Variants in NFIB observed in about 807,000 individuals in gnomAD.
The protein encoded by NFIB is nuclear factor 1 B-type.
NFIB carries 11 observed loss-of-function variants against 61.5 expected under a neutral mutation model. The ratio of observed to expected loss-of-function variants is 0.18; its 90% CI spans 0.11 to 0.30. The LOEUF (loss-of-function observed/expected upper bound fraction) is 0.30, where lower values mean the gene tolerates loss of function less well. Among genes scored for constraint, NFIB ranks in the 10% least tolerant of loss-of-function variants. NFIB has a pLI of 1.00. For synonymous variants in NFIB, 260 were observed against 216.5 expected (o/e 1.20, Z -1.76); for missense variants, 471 against 608.9 (o/e 0.77, Z 2.38).
At chr9:14,346,884 C>T (rs1226448836) in intron 1 of NFIB, among the ~76,000 whole-genome samples, 1 of 152,136 alleles carries the variant, frequency 6.6e-6, no homozygotes, top group Non-Finnish European at 1.5e-5. Context: ...GTCTCGCAAA[C>T]ATCCCCCTAA....
At chr9:14,440,375 G>C in the NFIB span, among the ~76,000 whole-genome samples, 2 of 152,122 alleles carry the variant, frequency 1.3e-5, no homozygotes, top group Admixed American at 6.5e-5. Context: ...CCAATCGAAG[G>C]GCTCTTTAAT....
Position 14,154,698 on chromosome 9 carries a change from T to C in NFIB, c.685+1127A>G, listed in dbSNP as rs10810096. ...CATACATTTATCCACTCTAGAATTA[T>C]ACCAGAAAGGATAAACTACTTAAGA... is the stretch of plus-strand genomic sequence containing the variant. On this transcript the variant is annotated intron_variant, in intron 4 of 10. Transcript: ENST00000380953. 0.023 allele frequency among the ~76,000 whole-genome samples: 3,474 copies of C among 152,202 alleles called. 190 individuals are homozygous for C. In the East Asian group the frequency reaches 0.24, roughly 10 times the overall value.
At chr9:14,244,646 G>A (rs568591515) in intron 2 of NFIB, among the ~76,000 whole-genome samples, 3 of 152,156 alleles carry the variant, frequency 2.0e-5, no homozygotes, top group African/African-American at 4.8e-5. Flanking sequence ...CTTATTAGCC[G>A]TTGGCCTTAG....
At chr9:14,238,265 G>C (rs1355845143) in intron 2 of NFIB, among the ~76,000 whole-genome samples, 2 of 152,138 alleles carry the variant, frequency 1.3e-5, no homozygotes, top group African/African-American at 4.8e-5. Flanking sequence ...TACTGAAAGG[G>C]CAGGCAGAGT....
the NFIB span, among the ~76,000 whole-genome samples, chr9:14,521,710 T>G: frequency 2.0e-5 from 3 of 152,162 alleles, no homozygotes; most frequent in Non-Finnish European, 4.4e-5. Flanking sequence ...GGAAAGATAA[T>G]CAAAGAAGCA....
At chr9:14,215,973 T>TG (rs972180878) in intron 2 of NFIB, among the ~76,000 whole-genome samples, 6 of 152,116 alleles carry the variant, frequency 3.9e-5, no homozygotes, top group Admixed American at 6.5e-5. Context: ...ACCTTGTTCA[T>TG]GGGGGGTGGG....
At chr9:14,412,171 G>A in the NFIB span, among the ~76,000 whole-genome samples, 1 of 152,140 alleles carries the variant, frequency 6.6e-6, no homozygotes, top group South Asian at 2.1e-4. Context: ...ACCAAGTTTG[G>A]GGGTAATTTG....
chr9:14,420,231 G>C, the NFIB span, among the ~76,000 whole-genome samples: 507 of 152,126 alleles, frequency 3.3e-3, 2 homozygotes, highest in African/African-American at 0.012. Context: ...CAGATCACTT[G>C]AGGTCAGGAG....
chr9:14,085,772 A>C lies in NFIB; in HGVS notation c.*2537T>G, dbSNP rs891692900. 3 of 220,092 alleles carry C rather than the reference A, an allele frequency of 1.4e-5. No individual in the cohort carries two copies. Among genetic ancestry groups the C allele is most frequent in the African/African-American group, 6.7e-5 (3 of 44,656 alleles). The allele number at this position is 220,092 out of a possible 1,614,324, so 13.6% of individuals were successfully genotyped here. On this transcript the variant is annotated 3_prime_UTR_variant, in exon 11 of 11. Transcript: ENST00000380953. ...GTAAATCATATCCTATCATTAATGAAATGAAATGGGGACGAAAAGTGGCAG... is the reference window on the plus strand; with the variant it reads ...GTAAATCATATCCTATCATTAATGACATGAAATGGGGACGAAAAGTGGCAG...
intron 2 of NFIB, among the ~76,000 whole-genome samples, chr9:14,206,942 C>T (rs1271861206): frequency 3.3e-5 from 5 of 152,068 alleles, no homozygotes; most frequent in Non-Finnish European, 7.4e-5. Context: ...GTGTAAAACC[C>T]CACTATTCCA....
chr9:14,095,126 T>G (rs779632410), intron 10 of NFIB, among the ~76,000 whole-genome samples: 22 of 152,138 alleles, frequency 1.4e-4, no homozygotes, highest in Non-Finnish European at 2.5e-4. Context: ...GCCTTCGATA[T>G]AGCAACCTAC....
At chr9:14,316,998 C>T (rs2060558830), upstream of NFIB, 1 of 150,930 alleles carries the variant, frequency 6.6e-6, no homozygotes, top group African/African-American at 2.4e-5. Context: ...CTCCTTCTCT[C>T]CCTCCCTCCC....
the NFIB span, among the ~76,000 whole-genome samples, chr9:14,512,538 T>A: frequency 6.6e-6 from 1 of 152,216 alleles, no homozygotes; most frequent in African/African-American, 2.4e-5. Context: ...GAATTATTGA[T>A]ATAATGGATT....
intron 1 of NFIB, among the ~76,000 whole-genome samples, chr9:14,396,911 G>A (rs74750237): frequency 2.0e-5 from 3 of 152,094 alleles, no homozygotes; most frequent in East Asian, 1.9e-4. Context: ...AAGAATGTGG[G>A]GATGCAGATG....
intron 3 of NFIB, among the ~76,000 whole-genome samples, chr9:14,176,208 C>G (rs932044128): frequency 6.8e-6 from 1 of 147,208 alleles, no homozygotes; most frequent in African/African-American, 2.5e-5. Flanking sequence ...TTTGCTATAA[C>G]CAAGAGAGGA....
chr9:14,459,097 C>G, the NFIB span, among the ~76,000 whole-genome samples: 1 of 151,856 alleles, frequency 6.6e-6, no homozygotes, highest in Non-Finnish European at 1.5e-5. Context: ...GGAGGCATCA[C>G]GCTACCTGAC....
At chr9:14,414,431 C>CAAAA in the NFIB span, among the ~76,000 whole-genome samples, 1 of 56,634 alleles carries the variant, frequency 1.8e-5, no homozygotes, top group Non-Finnish European at 4.1e-5. Flanking sequence ...GAGACTGTCT[C>CAAAA]AAAAAAAAAA....
intron 2 of NFIB, among the ~76,000 whole-genome samples, chr9:14,301,686 G>A (rs1333604046): frequency 6.6e-6 from 1 of 151,974 alleles, no homozygotes; most frequent in Non-Finnish European, 1.5e-5. Flanking sequence ...TTCCCCAGCT[G>A]GCAACTGGGG....
At chr9:14,506,997 G>C in the NFIB span, among the ~76,000 whole-genome samples, 2 of 152,060 alleles carry the variant, frequency 1.3e-5, no homozygotes, top group Non-Finnish European at 2.9e-5. Flanking sequence ...ATCTACAGGC[G>C]ACACCATAAA....
Sources: gnomAD v4.1 joint callset for allele counts (sites outside exome capture counted in the v4.1 genomes callset) on GRCh38, gnomAD v4.1.1 for gene constraint, MANE v1.5 for transcripts, NCBI Gene and HGNC (gene_info 2026-07-23, HGNC 2026-07-21) for gene names.